Variants in NCALD observed in about 807,000 individuals in gnomAD.
NCALD encodes neurocalcin delta.
A neutral mutation model predicts 18.6 loss-of-function variants in NCALD; 10 were observed. That is an observed-to-expected ratio of 0.54 (90% CI 0.33 to 0.91). The LOEUF (loss-of-function observed/expected upper bound fraction) is 0.91, where lower values mean the gene tolerates loss of function less well. NCALD is among the 40% of genes least tolerant of loss of function. The pLI, the probability that NCALD is intolerant of heterozygous loss-of-function variation, is 0.03. For synonymous variants in NCALD, 88 were observed against 87.4 expected (o/e 1.01, Z -0.04); for missense variants, 184 against 247.6 (o/e 0.74, Z 1.72).
At chr8:101,759,219 T>C (rs1305058567) in intron 1 of NCALD, among the ~76,000 whole-genome samples, 3 of 152,232 alleles carry the variant, frequency 2.0e-5, no homozygotes, top group Non-Finnish European at 4.4e-5. Flanking sequence ...GAAAGTTTTA[T>C]AACAAAGTGT....
intron 1 of NCALD, among the ~76,000 whole-genome samples, chr8:102,041,846 A>G (rs1563567225): frequency 6.6e-6 from 1 of 151,414 alleles, no homozygotes; most frequent in Non-Finnish European, 1.5e-5. Flanking sequence ...CTAGCACTCA[A>G]TTAATGATCT....
chr8:101,728,725 CAGG>C (rs1314661879), intron 1 of NCALD, among the ~76,000 whole-genome samples: 1 of 152,176 alleles, frequency 6.6e-6, no homozygotes, highest in Non-Finnish European at 1.5e-5. Context: ...GAGTCTGAGG[CAGG>C]AGAATCACGT....
chr8:101,763,966 C>CCCTCTCTCCACACACACACACACACA (rs1554624883), intron 1 of NCALD, among the ~76,000 whole-genome samples: 1 of 85,170 alleles, frequency 1.2e-5, no homozygotes, highest in African/African-American at 3.9e-5. Flanking sequence ...CTCTCTCTCT[C>CCCTCTCTCCACACACACACACACACA]CACACACACA....
At chr8:102,106,771 T>G (rs1825468903) in intron 1 of NCALD, among the ~76,000 whole-genome samples, 1 of 152,162 alleles carries the variant, frequency 6.6e-6, no homozygotes, top group Non-Finnish European at 1.5e-5. Flanking sequence ...GTGTAATGCA[T>G]GCACTCTGCA....
chr8:102,016,834 CA>C (rs757340857), intron 2 of NCALD, among the ~76,000 whole-genome samples: 2 of 151,866 alleles, frequency 1.3e-5, no homozygotes, highest in Non-Finnish European at 2.9e-5. Flanking sequence ...AAAACAAAAA[CA>C]AAAAAACCCT....
At chr8:101,713,454 CA>C (rs199621429) in intron 2 of NCALD, among the ~76,000 whole-genome samples, 395 of 143,684 alleles carry the variant, frequency 2.7e-3, no homozygotes, top group Middle Eastern at 6.9e-3. Flanking sequence ...GATAGAGACA[CA>C]AAAAAAAACC....
At chr8:101,766,519 A>G (rs1304112592) in intron 1 of NCALD, among the ~76,000 whole-genome samples, 1 of 152,188 alleles carries the variant, frequency 6.6e-6, no homozygotes, top group Non-Finnish European at 1.5e-5. Context: ...TTTTGTGTGC[A>G]TCTATACATA....
intron 1 of NCALD, chr8:101,750,192 G>C (rs537495224): frequency 6.8e-6 from 1 of 147,656 alleles, no homozygotes; most frequent in Non-Finnish European, 1.5e-5. Context: ...AAGAGTAACT[G>C]CCCTCATGAT....
chr8:101,976,594 C>T (rs545047660), intron 2 of NCALD, among the ~76,000 whole-genome samples: 11 of 152,258 alleles, frequency 7.2e-5, no homozygotes, highest in African/African-American at 2.6e-4. Context: ...CACATAGATT[C>T]TTTTAGATTT....
At chr8:102,073,717 G>T (rs1824254418) in intron 1 of NCALD, among the ~76,000 whole-genome samples, 1 of 152,196 alleles carries the variant, frequency 6.6e-6, no homozygotes, top group Non-Finnish European at 1.5e-5. Context: ...AGCTTCAGGA[G>T]CTTAAGCTTC....
At chr8:101,835,322 T>C (rs1484525665) in intron 4 of NCALD, among the ~76,000 whole-genome samples, 5 of 152,220 alleles carry the variant, frequency 3.3e-5, no homozygotes, top group Admixed American at 2.0e-4. Context: ...GGGGTCATTT[T>C]GCCCCTCCCA....
chr8:102,113,434 T>G (rs1046893635), intron 1 of NCALD, among the ~76,000 whole-genome samples: 3 of 152,242 alleles, frequency 2.0e-5, no homozygotes, highest in African/African-American at 7.2e-5. Flanking sequence ...TAAGAGGCCC[T>G]GGCCCATTGC....
At chr8:101,805,655 A>G (rs2155942) in intron 4 of NCALD, among the ~76,000 whole-genome samples, 98,530 of 152,078 alleles carry the variant, frequency 0.65, 34,147 homozygotes, top group Non-Finnish European at 0.77. Context: ...TCTCCCCCAA[A>G]GGAGCTGACT....
chr8:102,021,490 A>G (rs1822271497), intron 1 of NCALD, among the ~76,000 whole-genome samples: 1 of 152,222 alleles, frequency 6.6e-6, no homozygotes, highest in African/African-American at 2.4e-5. Flanking sequence ...TATGATGCCC[A>G]TAAAAAAGGA....
intron 2 of NCALD, among the ~76,000 whole-genome samples, chr8:101,965,119 T>C (rs1819973668): frequency 2.0e-5 from 3 of 152,128 alleles, no homozygotes; most frequent in African/African-American, 7.2e-5. Flanking sequence ...AAACAACAGA[T>C]GCTGGAGAGG....
At chr8:101,846,105 T>C (rs931098291) in intron 4 of NCALD, among the ~76,000 whole-genome samples, 1 of 152,234 alleles carries the variant, frequency 6.6e-6, no homozygotes, top group Non-Finnish European at 1.5e-5. Flanking sequence ...TTCCATATCT[T>C]GGCTACTGTG....
intron 1 of NCALD, among the ~76,000 whole-genome samples, chr8:101,738,399 C>T (rs778240498): frequency 4.6e-5 from 7 of 151,958 alleles, no homozygotes; most frequent in Non-Finnish European, 8.8e-5. Context: ...CAAAAATTAG[C>T]TGGGCGTGGT....
At chr8:101,755,381 A>C (rs571815239) in intron 1 of NCALD, among the ~76,000 whole-genome samples, 1 of 152,140 alleles carries the variant, frequency 6.6e-6, no homozygotes, top group African/African-American at 2.4e-5. Flanking sequence ...CAAGAGTTCA[A>C]TTTGGCCTGT....
intron 1 of NCALD, among the ~76,000 whole-genome samples, chr8:102,039,899 A>C (rs930481843): frequency 6.6e-6 from 1 of 152,106 alleles, no homozygotes; most frequent in Non-Finnish European, 1.5e-5. Flanking sequence ...ATATCTGTAC[A>C]TGCCTGATCC....
Sources: allele counts gnomAD v4.1 joint callset (sites outside exome capture counted in the v4.1 genomes callset), GRCh38; gene constraint gnomAD v4.1.1; transcripts MANE v1.5; gene names NCBI Gene and HGNC (gene_info 2026-07-23, HGNC 2026-07-21).